CPNE7: variants seen among roughly 807,000 people sequenced by gnomAD.
The protein encoded by CPNE7 is copine-7.
In CPNE7, 78 loss-of-function variants were observed where a neutral mutation model predicts 66.5. The observed-to-expected ratio is 1.17, with a 90% CI of 0.98 to 1.42. CPNE7 has a LOEUF of 1.42. Ranked by LOEUF, CPNE7 falls within the 40% of genes most tolerant of loss-of-function variation. The pLI, the probability that CPNE7 is intolerant of heterozygous loss-of-function variation, is 0.00. For synonymous variants in CPNE7, 468 were observed against 336.7 expected (o/e 1.39, Z -4.27); for missense variants, 1,012 against 776.6 (o/e 1.30, Z -3.60).
intron 11 of CPNE7, 142 bp from the exon 12 acceptor site, chr16:89,590,865 G>A (rs1597716783): frequency 1.4e-6 from 1 of 738,914 alleles, no homozygotes; most frequent in Non-Finnish European, 2.1e-6. Context: ...TAGTAGGCGG[G>A]GGACATGAGG....
At position 89,583,716 on chromosome 16, in the gene CPNE7, T is replaced by C; in HGVS notation, c.377T>C (p.Val126Ala). The C allele has an allele frequency of 1.9e-6, 3 of 1,612,712 alleles. No homozygotes were observed. Among genetic ancestry groups the C allele is most frequent in the Non-Finnish European group, 2.5e-6 (3 of 1,179,892 alleles). Reference sequence around the variant, plus strand: ...TTACAGATTGTGGCCCAGAAGAAGGTGACCCGCCCGCTGCTGCTCAAGTTT... The same window carrying C: ...TTACAGATTGTGGCCCAGAAGAAGGCGACCCGCCCGCTGCTGCTCAAGTTT... ...TLGQIVAQKKVTRPLLLKFGR... is the reference protein window; with the variant it reads ...TLGQIVAQKKATRPLLLKFGR... Residue 126 changes from valine to alanine, a missense_variant, in exon 3 of 15, where the codon GTG becomes GCG. Physicochemically the swap from Val to Ala is moderately conservative, Grantham distance 64. Coordinates refer to ENST00000319518, the MANE Select transcript of CPNE7 (RefSeq NM_153636.3).
intron 2 of CPNE7, among the ~76,000 whole-genome samples, chr16:89,581,951 C>T (rs938705509): frequency 2.0e-5 from 3 of 152,246 alleles, no homozygotes; most frequent in African/African-American, 7.2e-5. Flanking sequence ...GGCCTGGACA[C>T]CTTTCTATGT....
chr16:89,595,549 T>G lies in CPNE7; in HGVS notation c.1485T>G (p.Gly495=). The change falls in exon 14 of 15, where the codon GGT becomes GGG. Residue 495 remains glycine, a synonymous_variant. Transcript: ENST00000319518. ...ACGGCGTCCTGCGCTCCCCACGGGG[T>G]GAGCCCGCGCTCCGGGACATCGTAC... ...GDDGVLRSPR[G]EPALRDIVQF... The G allele has an allele frequency of 3.1e-6, 5 of 1,612,050 alleles. No individual in the cohort carries two copies. Among genetic ancestry groups the G allele is most frequent in the Non-Finnish European group, 4.2e-6 (5 of 1,179,476 alleles).
intron 13 of CPNE7, among the ~76,000 whole-genome samples, chr16:89,594,736 C>T (rs2059227297): frequency 6.8e-6 from 1 of 147,688 alleles, no homozygotes; most frequent in Non-Finnish European, 1.5e-5. Flanking sequence ...ACTGCACCCT[C>T]TGCCTCCCAA....
chr16:89,595,313 C>T (rs1203123061), intron 13 of CPNE7, 54 bp from the exon 14 acceptor site: 9 of 1,445,854 alleles, frequency 6.2e-6, no homozygotes, highest in South Asian at 2.6e-5. Flanking sequence ...GGTTGCAGGG[C>T]GCATGTGGGC....
At chr16:89,587,240 C>A in intron 9 of CPNE7, 138 bp downstream of exon 9, 1 of 326,890 alleles carries the variant, frequency 3.1e-6, no homozygotes, top group African/African-American at 8.5e-5. Flanking sequence ...AGTCCGTGGC[C>A]CCGCCCCTCC....
At position 89,584,989 on chromosome 16, in the gene CPNE7, T is replaced by C. The variant is rs920504537; in HGVS notation, c.591+132T>C. ...GGCGCAGGGCTTTGGTGGCTGTGGC[T>C]ATGGCCAGAATCCAACAGGGAGCCG... On this transcript the variant is annotated intron_variant, in intron 5 of 14. Transcript: ENST00000319518. The surrounding 1 kb of genome is among the most constrained non-coding windows in gnomAD (Gnocchi z 6.0). 61 of 820,276 alleles carry C rather than the reference T, an allele frequency of 7.4e-5. No homozygotes were observed. The highest frequency in any genetic ancestry group is 1.1e-4 in the Non-Finnish European group (55 of 511,896). 50.8% of individuals were successfully genotyped at this position (820,276 alleles called of 1,614,324 possible).
chr16:89,577,233 T>C (rs371413175), intron 1 of CPNE7, among the ~76,000 whole-genome samples: 8 of 152,036 alleles, frequency 5.3e-5, no homozygotes, highest in African/African-American at 2.4e-5. Flanking sequence ...GCCTGCACTT[T>C]AGGGCTGCCC....
At position 89,591,229 on chromosome 16, in the gene CPNE7, C is replaced by T. The variant is rs745399916; in HGVS notation, c.1271C>T (p.Ala424Val). Reference protein sequence around the residue: ...APIISKVARVAAAEESTGKAS... With the variant: ...APIISKVARVVAAEESTGKAS... The stretch of plus-strand genomic sequence containing the variant: ...ATCATCTCCAAGGTGGCACGCGTGG[C>T]GGCGGCCGAGGAGAGCACCGGGAAA... Residue 424 changes from alanine (A) to valine (V), a missense_variant, in exon 13 of 15, where the codon GCG (alanine) becomes GTG (valine). Coordinates refer to ENST00000319518, the MANE Select transcript of CPNE7 (RefSeq NM_153636.3). The T allele has an allele frequency of 6.3e-6, 10 of 1,587,216 alleles. No homozygotes were observed. The highest frequency in any genetic ancestry group is 1.1e-5 in the South Asian group (1 of 88,150).
intron 2 of CPNE7, 27 bp from the exon 3 acceptor site, chr16:89,583,670 T>G (rs201266571): frequency 1.9e-5 from 31 of 1,612,310 alleles, no homozygotes; most frequent in Non-Finnish European, 2.6e-5. Flanking sequence ...CGCCTGCCCC[T>G]CCCTGCCTGA....
intron 13 of CPNE7, among the ~76,000 whole-genome samples, chr16:89,593,345 T>C (rs1356024897): frequency 1.3e-5 from 2 of 151,138 alleles, no homozygotes; most frequent in African/African-American, 4.9e-5. Context: ...ACATCACGGT[T>C]TTACCTCTTA....
rs761009664 is a variant in CPNE7 at position 89,583,511 on chromosome 16, C to T, written c.358-186C>T. On this transcript the variant is annotated intron_variant, in intron 2 of 14. Coordinates refer to ENST00000319518, the MANE Select transcript of CPNE7 (RefSeq NM_153636.3). ...GAGGTGGTGGACGTGCAGGGGTGGC[C>T]ACACGCAGGGATGGCAGGTGCTTGA... The T allele has an allele frequency of 3.7e-5, 57 of 1,561,266 alleles. No homozygotes were observed. The East Asian group carries it at 1.1e-3, about 31-fold the overall frequency.
chr16:89,577,177 C>G (rs1472544978), intron 1 of CPNE7, among the ~76,000 whole-genome samples: 1 of 152,170 alleles, frequency 6.6e-6, no homozygotes, highest in African/African-American at 2.4e-5. Flanking sequence ...GGGAGGGCCC[C>G]CCTGTACCCT....
At chr16:89,596,450 G>A in intron 14 of CPNE7, 34 bp from the exon 15 acceptor site, 1 of 1,585,938 alleles carries the variant, frequency 6.3e-7, no homozygotes, top group Non-Finnish European at 8.6e-7. Flanking sequence ...CATCTCGAAG[G>A]TCCCAGAGGT....
rs572960212 is a variant in CPNE7, at chr16:89,584,928, A to G, written c.591+71A>G. 1.5e-6 allele frequency: 2 copies of G among 1,345,910 alleles called. No individual in the cohort carries two copies. The highest frequency in any genetic ancestry group is 2.4e-5 in the South Asian group (2 of 83,966). 83.4% of individuals were successfully genotyped at this position (1,345,910 alleles called of 1,614,324 possible). On this transcript the variant is annotated intron_variant, in intron 5 of 14. Transcript: ENST00000319518. This position sits in a 1 kb window ranked among gnomAD's most constrained non-coding sequence, Gnocchi z 6.0. ...CCAGCCCTCACGCATCTCTGGCCAC[A>G]TGGGAGGAGCTCCCAGCCTCCAACA... is the stretch of plus-strand genomic sequence containing the variant.
intron 1 of CPNE7, 144 bp from the exon 2 acceptor site, chr16:89,577,394 TG>T (rs2058876467): frequency 2.5e-6 from 2 of 800,740 alleles, no homozygotes; most frequent in Non-Finnish European, 3.9e-6. Flanking sequence ...TGTGGTCCCA[TG>T]GACAGAGAGC....
At chr16:89,583,254 G>A (rs568598754) in intron 2 of CPNE7, among the ~76,000 whole-genome samples, 4 of 152,146 alleles carry the variant, frequency 2.6e-5, no homozygotes, top group Non-Finnish European at 4.4e-5. Flanking sequence ...CATGCTGGGC[G>A]TGAGGGTCCG....
chr16:89,577,533 T>C lies in CPNE7; in HGVS notation c.175-6T>C, dbSNP rs1343770753. 8 of 1,550,818 alleles carry C rather than the reference T, an allele frequency of 5.2e-6. No homozygotes were observed. The highest frequency in any genetic ancestry group is 7.0e-6 in the Non-Finnish European group (8 of 1,146,754). ...GAGTGGGGTCGGCTCACAGGTGCAC[T>C]TGCAGGTGGGCAGAACCGAGGTGGT... On this transcript the variant is annotated splice_polypyrimidine_tract_variant and splice_region_variant and intron_variant, in intron 1 of 14. Coordinates refer to ENST00000319518, the MANE Select transcript of CPNE7 (RefSeq NM_153636.3).
At chr16:89,593,817 C>A (rs2059211443) in intron 13 of CPNE7, among the ~76,000 whole-genome samples, 2 of 152,126 alleles carry the variant, frequency 1.3e-5, no homozygotes, top group Admixed American at 1.3e-4. Flanking sequence ...ACTTTCAAAG[C>A]AGTATTGTTC....
Sources: gnomAD v4.1 joint callset for allele counts (sites outside exome capture counted in the v4.1 genomes callset) on GRCh38, gnomAD v4.1.1 for gene constraint, Gnocchi (gnomAD v3.1) non-coding constraint, MANE v1.5 for transcripts, NCBI Gene and HGNC (gene_info 2026-07-23, HGNC 2026-07-21) for gene names.